Variants in GRID1 observed in about 807,000 individuals in gnomAD.
The protein encoded by GRID1 is glutamate receptor ionotropic, delta-1.
In GRID1, 28 loss-of-function variants were observed where a neutral mutation model predicts 98.0. The ratio of observed to expected loss-of-function variants is 0.29; its 90% confidence interval spans 0.21 to 0.39. GRID1 has a LOEUF of 0.39. GRID1 is among the 10% of genes least tolerant of loss of function. The probability of loss-of-function intolerance (pLI) is 1.00; values close to 1 mark genes in which losing one functional copy is unlikely to be tolerated. For synonymous variants in GRID1, 553 were observed against 538.5 expected, an observed-to-expected ratio of 1.03 and a Z score of -0.37; for missense variants, 1,111 against 1,340.5, an observed-to-expected ratio of 0.83 and a Z score of 2.67.
intron 1 of GRID1, 70 bp from the exon 2 acceptor site, chr10:86,364,166 T>C: frequency 7.6e-6 from 10 of 1,314,262 alleles, no homozygotes; most frequent in Non-Finnish European, 1.1e-5. Context: ...GGCCCGAGGG[T>C]CAAGGCACTC....
intron 5 of GRID1, among the ~76,000 whole-genome samples, chr10:85,890,229 A>T (rs1008725056): frequency 2.0e-5 from 3 of 152,112 alleles, no homozygotes; most frequent in Non-Finnish European, 2.9e-5. Flanking sequence ...TCTATTGACC[A>T]TCGGGCAAAC....
chr10:86,321,884 C>T (rs188046711), intron 2 of GRID1, among the ~76,000 whole-genome samples: 2 of 152,094 alleles, frequency 1.3e-5, no homozygotes, highest in South Asian at 2.1e-4. Context: ...GATAGGACAA[C>T]AGAAACCTTC....
At chr10:85,701,872 G>T (rs77363709) in intron 12 of GRID1, among the ~76,000 whole-genome samples, 1 of 151,850 alleles carries the variant, frequency 6.6e-6, no homozygotes, top group Non-Finnish European at 1.5e-5. Context: ...AGTGTATACC[G>T]CTCGGGAGAC....
At position 85,930,063 on chromosome 10, in the gene GRID1, A is replaced by T. The variant is rs555011404; in HGVS notation, c.727-13824T>A. Among the ~76,000 whole-genome samples, 6 of 152,322 alleles carry T rather than the reference A, an allele frequency of 3.9e-5. No individual in the cohort carries two copies. In the South Asian group the frequency reaches 1.2e-3, roughly 32 times the overall value. On this transcript the variant is annotated intron_variant, in intron 4 of 15. Coordinates refer to ENST00000327946, the MANE Select transcript of GRID1 (RefSeq NM_017551.3). ...AAGCCAAATAGTAGACTATGATTAT[A>T]TTATTTCCTTGCTTATACAACTTTT...
chr10:86,296,840 A>G, intron 2 of GRID1, among the ~76,000 whole-genome samples: 1 of 152,100 alleles, frequency 6.6e-6, no homozygotes, highest in East Asian at 1.9e-4. Context: ...CATAAAAATG[A>G]TTATTCTACT....
At position 85,904,727 on chromosome 10, in the gene GRID1, C is replaced by A. The variant is rs186100177; in HGVS notation, c.780+11459G>T. Among the ~76,000 whole-genome samples, 340 of 142,498 alleles carry A rather than the reference C, an allele frequency of 2.4e-3. 3 individuals carry two copies. Among genetic ancestry groups the A allele is most frequent in the Middle Eastern group, 3.9e-3 (1 of 256 alleles). The allele number at this position is 142,498 out of a possible 152,430, so 93.5% of individuals were successfully genotyped here. A position where few individuals can be genotyped will look rare whatever the true frequency, so the allele number is the denominator to read the frequency against. Reference sequence around the variant, plus strand: ...CAATGTATGAAATTAAAAAAAAAAACACTGGACAGAATAGTTGGCAGATTA... The same window carrying A: ...CAATGTATGAAATTAAAAAAAAAAAAACTGGACAGAATAGTTGGCAGATTA... On this transcript the variant is annotated intron_variant, in intron 5 of 15. Transcript: ENST00000327946.
At chr10:86,161,996 G>C (rs979429783) in intron 3 of GRID1, among the ~76,000 whole-genome samples, 9 of 152,238 alleles carry the variant, frequency 5.9e-5, no homozygotes, top group African/African-American at 2.2e-4. Flanking sequence ...AATGCTGGTG[G>C]TCACCCAGGG....
intron 6 of GRID1, among the ~76,000 whole-genome samples, chr10:85,859,252 G>A (rs763766020): frequency 9.9e-5 from 15 of 152,202 alleles, no homozygotes; most frequent in South Asian, 2.1e-4. Context: ...TTTCATGGCC[G>A]AACACATGGT....
intron 5 of GRID1, among the ~76,000 whole-genome samples, chr10:85,877,809 G>A (rs183686982): frequency 7.9e-5 from 12 of 152,260 alleles, no homozygotes; most frequent in East Asian, 3.9e-4. Context: ...GGCTTCAGAC[G>A]ATGAAAATAC....
At chr10:85,850,200 G>A (rs913642936) in intron 8 of GRID1, among the ~76,000 whole-genome samples, 2 of 152,188 alleles carry the variant, frequency 1.3e-5, no homozygotes, top group Non-Finnish European at 2.9e-5. Context: ...GGAGATAGTG[G>A]AAGAGAATGA....
chr10:85,716,347 T>C, intron 12 of GRID1, among the ~76,000 whole-genome samples: 1 of 151,526 alleles, frequency 6.6e-6, no homozygotes, highest in South Asian at 2.1e-4. Context: ...CACTCATAGG[T>C]GGGAATTGAA....
intron 4 of GRID1, among the ~76,000 whole-genome samples, chr10:86,079,224 G>A (rs1409991020): frequency 2.0e-5 from 3 of 152,192 alleles, no homozygotes; most frequent in Admixed American, 6.5e-5. Context: ...CTCCTGGAGC[G>A]GCCTGTTGAA....
intron 2 of GRID1, chr10:86,264,813 G>A (rs779394420): frequency 4.5e-5 from 21 of 470,626 alleles, no homozygotes; most frequent in Admixed American, 1.4e-4. Context: ...CTGTGTCACC[G>A]CCGCCCCTTC....
At chr10:86,262,999 G>A (rs1231424810) in intron 2 of GRID1, among the ~76,000 whole-genome samples, 4 of 151,838 alleles carry the variant, frequency 2.6e-5, no homozygotes, top group African/African-American at 9.7e-5. Context: ...CTGGGAGGGA[G>A]TCAATTTATT....
rs111651543 is a variant in GRID1, at chr10:85,830,037, C to G, written c.1233+24459G>C. On this transcript the variant is annotated intron_variant, in intron 8 of 15. Coordinates refer to ENST00000327946, the MANE Select transcript of GRID1 (RefSeq NM_017551.3). ...GCAAAAAGAACAAAGCTGGAGGCAT[C>G]ACATTACCTGACTTCAAACTATACT... Among the ~76,000 whole-genome samples the G allele has an allele frequency of 5.7e-3, 871 of 152,302 alleles. 8 individuals carry two copies. Among genetic ancestry groups the G allele is most frequent in the African/African-American group, 0.02 (820 of 41,560 alleles).
chr10:86,229,278 G>A (rs533781181), intron 2 of GRID1, among the ~76,000 whole-genome samples: 1 of 151,972 alleles, frequency 6.6e-6, no homozygotes, highest in Non-Finnish European at 1.5e-5. Flanking sequence ...CAGGGCAGAG[G>A]AGCAGCTAAG....
chr10:85,938,344 A>G (rs1430143117), intron 4 of GRID1, among the ~76,000 whole-genome samples: 1 of 152,162 alleles, frequency 6.6e-6, no homozygotes, highest in East Asian at 1.9e-4. Context: ...GTCAGAGTCC[A>G]CCCTCTACTC....
At chr10:86,361,221 T>C (rs1848597034) in intron 2 of GRID1, among the ~76,000 whole-genome samples, 1 of 152,170 alleles carries the variant, frequency 6.6e-6, no homozygotes, top group African/African-American at 2.4e-5. Flanking sequence ...AAAAGGAGGC[T>C]GCTGAGCACT....
At chr10:85,692,473 G>A (rs1258318136) in intron 12 of GRID1, among the ~76,000 whole-genome samples, 1 of 151,876 alleles carries the variant, frequency 6.6e-6, no homozygotes, top group Non-Finnish European at 1.5e-5. Flanking sequence ...GCCAGTCTGG[G>A]AAACATGGCA....
Sources: allele counts gnomAD v4.1 joint callset (sites outside exome capture counted in the v4.1 genomes callset), GRCh38; gene constraint gnomAD v4.1.1; transcripts MANE v1.5; gene names NCBI Gene and HGNC (gene_info 2026-07-23, HGNC 2026-07-21).